The following PCDH15 variants were observed in gnomAD, a reference collection of about 807,000 sequenced individuals.
PCDH15 encodes protocadherin-15.
In PCDH15, 129 loss-of-function variants were observed where a neutral mutation model predicts 178.5. The observed-to-expected ratio is 0.72, with a 90% confidence interval of 0.63 to 0.84. The LOEUF is 0.84. Ranked by LOEUF, PCDH15 falls within the 40% of genes least tolerant of loss-of-function variation. PCDH15 has a pLI of 0.00. For missense variants in PCDH15, 2,230 were observed against 2,099.9 expected, an observed-to-expected ratio of 1.06 and a Z score of -1.21; for synonymous variants, 800 against 732.0, an observed-to-expected ratio of 1.09 and a Z score of -1.50.
intron 2 of PCDH15, among the ~76,000 whole-genome samples, chr10:54,651,688 A>ATCT (rs1465608410): frequency 6.6e-6 from 1 of 152,174 alleles, no homozygotes; most frequent in Non-Finnish European, 1.5e-5. Flanking sequence ...TGTGATACAT[A>ATCT]TCTTCTTAAG....
chr10:54,485,000 G>A (rs1385650233), intron 3 of PCDH15, among the ~76,000 whole-genome samples: 1 of 151,816 alleles, frequency 6.6e-6, no homozygotes, highest in Non-Finnish European at 1.5e-5. Flanking sequence ...TAAGGCTACA[G>A]GAAGAGTGAG....
At chr10:54,513,782 CAA>C (rs1357739101) in intron 3 of PCDH15, among the ~76,000 whole-genome samples, 1 of 152,084 alleles carries the variant, frequency 6.6e-6, no homozygotes, top group East Asian at 1.9e-4. Flanking sequence ...TTCACTTTCT[CAA>C]AAAACAGTAT....
At chr10:54,455,156 C>T (rs1358362861) in intron 3 of PCDH15, among the ~76,000 whole-genome samples, 1 of 152,160 alleles carries the variant, frequency 6.6e-6, no homozygotes, top group African/African-American at 2.4e-5. Context: ...CCCTGTGGAA[C>T]TGTGACTTAA....
intron 2 of PCDH15, among the ~76,000 whole-genome samples, chr10:55,083,627 C>T (rs182854369): frequency 1.3e-5 from 2 of 151,710 alleles, no homozygotes; most frequent in Non-Finnish European, 3.0e-5. Context: ...TGAAATTATC[C>T]CTGTTTGCAA....
chr10:55,411,796 T>G (rs2132035585), intron 2 of PCDH15, among the ~76,000 whole-genome samples: 1 of 152,230 alleles, frequency 6.6e-6, no homozygotes, highest in Middle Eastern at 3.4e-3. Context: ...ATGAATCTAT[T>G]ATGTCTTAGG....
intron 2 of PCDH15, 109 bp from the exon 3 acceptor site, chr10:54,527,986 C>A (rs1243302088): frequency 9.6e-6 from 8 of 834,954 alleles, no homozygotes; most frequent in East Asian, 2.6e-5. Flanking sequence ...ATCTTGCAAT[C>A]TAATTAATAT....
Position 55,183,215 on chromosome 10 carries a change from A to T in PCDH15, c.-155-16564T>A, listed in dbSNP as rs35029739. Among the ~76,000 whole-genome samples the T allele has an allele frequency of 5.7e-3, 862 of 152,086 alleles. 7 individuals carry two copies. The highest frequency in any genetic ancestry group is 9.6e-3 in the Admixed American group (146 of 15,252). On this transcript the variant is annotated intron_variant, in intron 1 of 5. Coordinates refer to the PCDH15 transcript ENST00000458638. ...AGTTTCATATATTTTGCATTATACC[A>T]TTTGTCCTTATGAATGTCTCATTTT...
chr10:53,916,172 G>T (rs1156556077), intron 25 of PCDH15, among the ~76,000 whole-genome samples: 1 of 152,116 alleles, frequency 6.6e-6, no homozygotes, highest in African/African-American at 2.4e-5. Context: ...GTTCATTGTA[G>T]ACACAACCAT....
intron 2 of PCDH15, among the ~76,000 whole-genome samples, chr10:55,098,535 C>T (rs908792049): frequency 2.0e-5 from 3 of 152,116 alleles, no homozygotes; most frequent in South Asian, 2.1e-4. Context: ...AAAAGGCTAC[C>T]TCAGACTAGA....
chr10:54,755,883 A>T (rs1947011799), intron 1 of PCDH15, among the ~76,000 whole-genome samples: 1 of 152,194 alleles, frequency 6.6e-6, no homozygotes, highest in African/African-American at 2.4e-5. Flanking sequence ...TGCGTAGAGC[A>T]CAATGGATGC....
intron 2 of PCDH15, among the ~76,000 whole-genome samples, chr10:55,551,530 T>G (rs377187872): frequency 2.6e-5 from 4 of 151,812 alleles, no homozygotes; most frequent in African/African-American, 9.7e-5. Flanking sequence ...ACATGTAACA[T>G]TTGAAATCAG....
intron 1 of PCDH15, among the ~76,000 whole-genome samples, chr10:54,777,336 C>A (rs1158475957): frequency 1.3e-5 from 2 of 152,076 alleles, no homozygotes; most frequent in African/African-American, 4.8e-5. Context: ...GAGATGCAGA[C>A]AGTTTCTACA....
intron 14 of PCDH15, among the ~76,000 whole-genome samples, chr10:54,137,090 CAATAA>C (rs914516399): frequency 3.3e-5 from 5 of 152,032 alleles, no homozygotes; most frequent in African/African-American, 1.2e-4. Flanking sequence ...ATAGTATTAA[CAATAA>C]AATAATAGTA....
At chr10:55,578,716 C>T (rs757673454) in intron 2 of PCDH15, among the ~76,000 whole-genome samples, 4 of 152,130 alleles carry the variant, frequency 2.6e-5, no homozygotes, top group Non-Finnish European at 4.4e-5. Context: ...ACTCACAATT[C>T]CACATGGCTG....
intron 17 of PCDH15, among the ~76,000 whole-genome samples, chr10:54,067,675 A>T (rs2094163440): frequency 6.6e-6 from 1 of 152,184 alleles, no homozygotes; most frequent in South Asian, 2.1e-4. Flanking sequence ...CTGATCACAA[A>T]AGGCTGAGAG....
At chr10:54,999,306 A>AT (rs36046867) in intron 2 of PCDH15, among the ~76,000 whole-genome samples, 26 of 151,660 alleles carry the variant, frequency 1.7e-4, no homozygotes, top group South Asian at 4.2e-4. Flanking sequence ...AATAAAGAAA[A>AT]TTTTTTTTTT....
intron 2 of PCDH15, among the ~76,000 whole-genome samples, chr10:55,596,402 A>C (rs1842935990): frequency 6.6e-6 from 1 of 152,082 alleles, no homozygotes; most frequent in African/African-American, 2.4e-5. Context: ...ATTTTAGAAA[A>C]ATTGTAAAGT....
chr10:54,050,798 T>C (rs760514936), intron 18 of PCDH15, among the ~76,000 whole-genome samples: 1 of 152,172 alleles, frequency 6.6e-6, no homozygotes, highest in African/African-American at 2.4e-5. Flanking sequence ...TGTATTGATA[T>C]GGTTTGGCTG....
chr10:55,073,320 C>T (rs1460232616), intron 2 of PCDH15, among the ~76,000 whole-genome samples: 2 of 152,018 alleles, frequency 1.3e-5, no homozygotes, highest in African/African-American at 4.8e-5. Flanking sequence ...TCCCTGTTTG[C>T]AGATGACATG....
Sources: gnomAD v4.1 joint callset for allele counts (sites outside exome capture counted in the v4.1 genomes callset) on GRCh38, gnomAD v4.1.1 for gene constraint, MANE v1.5 for transcripts, NCBI Gene and HGNC (gene_info 2026-07-23, HGNC 2026-07-21) for gene names.